HFM1: variants seen among roughly 807,000 people sequenced by gnomAD.
HFM1 encodes probable ATP-dependent DNA helicase HFM1.
In HFM1, 169 loss-of-function variants were observed where a neutral mutation model predicts 192.1. The ratio of observed to expected loss-of-function variants is 0.88; its 90% confidence interval spans 0.78 to 1.00. HFM1 has a LOEUF of 1.00. Among genes scored for constraint, HFM1 ranks in the 50% least tolerant of loss-of-function variants. The pLI is 0.00. For synonymous variants in HFM1, 525 were observed against 537.8 expected, an observed-to-expected ratio of 0.98 and a Z score of 0.33; for missense variants, 1,661 against 1,668.0, an observed-to-expected ratio of 1.00 and a Z score of 0.07.
At chr1:91,383,870 T>C (rs1000595305) in intron 6 of HFM1, among the ~76,000 whole-genome samples, 2 of 152,182 alleles carry the variant, frequency 1.3e-5, no homozygotes, top group Non-Finnish European at 2.9e-5. Context: ...TTAGCCTGAT[T>C]GTGGTAATTA....
intron 25 of HFM1, 106 bp from the exon 26 acceptor site, chr1:91,316,582 C>T (rs929208993): frequency 6.7e-6 from 3 of 446,256 alleles, no homozygotes; most frequent in Non-Finnish European, 1.1e-5. Context: ...ATTTTAAGAT[C>T]CAGTCAAATA....
rs111462239 is a variant in HFM1, at chr1:91,385,478, A to C, written c.754+97T>G. On this transcript the variant is annotated intron_variant, in intron 5 of 38. Transcript: ENST00000370425. ...AATGCAGAAATTGCACAGAGAGATA[A>C]TTTACTCAAATTTACTATATTTTTA... is the stretch of plus-strand genomic sequence containing the variant. 3,133 of 1,031,792 alleles carry C rather than the reference A, an allele frequency of 3.0e-3. 66 individuals are homozygous for C. The African/African-American group carries it at 0.045, about 15-fold the overall frequency. The allele number at this position is 1,031,792 out of a possible 1,614,324, so 63.9% of individuals were successfully genotyped here.
Position 91,261,206 on chromosome 1 carries a change from A to C in HFM1, c.*84T>G, listed in dbSNP as rs899203929. ...GAGAAAAAAATCCGAACAATTATGA[A>C]CTACTTTTTAAAAATAAAAAGCATG... On this transcript the variant is annotated 3_prime_UTR_variant, in exon 39 of 39. Coordinates refer to ENST00000370425, the MANE Select transcript of HFM1 (RefSeq NM_001017975.6). The C allele has an allele frequency of 8.9e-6, 5 of 561,216 alleles. No homozygotes were observed. The East Asian group carries it at 1.0e-4, about 12-fold the overall frequency. The allele number at this position is 561,216 out of a possible 1,614,324, so 34.8% of individuals were successfully genotyped here.
chr1:91,358,998 C>A (rs1162670705), intron 13 of HFM1, among the ~76,000 whole-genome samples: 1 of 152,098 alleles, frequency 6.6e-6, no homozygotes, highest in Non-Finnish European at 1.5e-5. Flanking sequence ...TGGAGCAGAT[C>A]CCCAGCAAAC....
At chr1:91,377,282 ATGAT>A (rs1661018122) in intron 11 of HFM1, among the ~76,000 whole-genome samples, 1 of 151,944 alleles carries the variant, frequency 6.6e-6, no homozygotes, top group Admixed American at 6.6e-5. Flanking sequence ...GAACAAGAAA[ATGAT>A]TAATTGTGCC....
intron 1 of HFM1, 149 bp downstream of exon 1, chr1:91,404,649 A>T (rs1466859322): frequency 7.2e-6 from 2 of 277,836 alleles, no homozygotes; most frequent in Non-Finnish European, 1.4e-5. Context: ...CTGGTGACCA[A>T]CAACTCGCCG....
At chr1:91,318,122 T>C (rs1651530178) in intron 25 of HFM1, among the ~76,000 whole-genome samples, 1 of 152,204 alleles carries the variant, frequency 6.6e-6, no homozygotes, top group Non-Finnish European at 1.5e-5. Flanking sequence ...AACTCTTGCC[T>C]TTGTGGGATG....
intron 13 of HFM1, among the ~76,000 whole-genome samples, chr1:91,372,472 C>A (rs1385577371): frequency 1.3e-5 from 2 of 152,076 alleles, no homozygotes; most frequent in South Asian, 2.1e-4. Context: ...TCATTCGCAG[C>A]AAACTATCGC....
Position 91,375,666 on chromosome 1 carries a change from T to C in HFM1, c.1457A>G (p.His486Arg). ...PAVCLKMDES[H>R]RPVKLQKVVL... ...CACTTTCTGAAGTTTCACTGGTCTA[T>C]GGCTCTCATCCATTTTCAGACACAC... Residue 486 changes from histidine (H) to arginine (R), a missense_variant, in exon 12 of 39, where the codon CAT (histidine) becomes CGT (arginine). Transcript: ENST00000370425. The C allele has an allele frequency of 6.2e-7, 1 of 1,613,474 alleles. No homozygotes were observed. The highest frequency in any genetic ancestry group is 8.5e-7 in the Non-Finnish European group (1 of 1,179,552).
At chr1:91,353,937 A>AC (rs35667576) in intron 13 of HFM1, among the ~76,000 whole-genome samples, 1 of 150,392 alleles carries the variant, frequency 6.6e-6, no homozygotes, top group Non-Finnish European at 1.5e-5. Context: ...AAAAAAAAAA[A>AC]CCAACCAAAA....
At chr1:91,379,819 C>T (rs1463086892) in intron 8 of HFM1, among the ~76,000 whole-genome samples, 13 of 151,896 alleles carry the variant, frequency 8.6e-5, no homozygotes, top group Non-Finnish European at 1.6e-4. Context: ...GTAAAAGTTC[C>T]TATGCAAATT....
intron 13 of HFM1, among the ~76,000 whole-genome samples, chr1:91,355,626 C>G (rs928467251): frequency 6.6e-6 from 1 of 152,002 alleles, no homozygotes; most frequent in Admixed American, 6.6e-5. Flanking sequence ...CAAAGAAGGT[C>G]ATAATTTAAC....
chr1:91,303,195 C>A (rs575351360), intron 30 of HFM1, among the ~76,000 whole-genome samples: 172 of 152,282 alleles, frequency 1.1e-3, no homozygotes, highest in African/African-American at 4.1e-3. Context: ...CTGCCCTCAA[C>A]CCCTGACAAC....
intron 3 of HFM1, among the ~76,000 whole-genome samples, 191 bp from the exon 4 acceptor site, chr1:91,394,593 C>T (rs1466861608): frequency 6.6e-6 from 1 of 151,954 alleles, no homozygotes; most frequent in African/African-American, 2.4e-5. Context: ...TGGTATATTA[C>T]ATCATTAACA....
chr1:91,277,752 A>G (rs1667026084), intron 30 of HFM1, among the ~76,000 whole-genome samples: 2 of 106,188 alleles, frequency 1.9e-5, no homozygotes, highest in African/African-American at 9.3e-5. Context: ...TATATACTTT[A>G]TATATAATAT....
rs1473991704 is a variant in HFM1, at chr1:91,276,670, G to C, written c.3546C>G (p.Asn1182Lys). ...GAGGAACAGATGAAACAGCATTCCTGTTTCTTAAATCAGATAAATATGAAG... is the reference window on the plus strand; with the variant it reads ...GAGGAACAGATGAAACAGCATTCCTCTTTCTTAAATCAGATAAATATGAAG... ...TISSYLSDLR[N>K]RNAVSSVPPV... The change falls in exon 32 of 39, where the codon AAC (asparagine) becomes AAG (lysine). Residue 1182 changes from asparagine to lysine, a missense_variant. By Grantham distance (94) the Asn-to-Lys change is moderately conservative. Coordinates refer to ENST00000370425, the MANE Select transcript of HFM1 (RefSeq NM_001017975.6). 14 of 1,574,602 alleles carry C rather than the reference G, an allele frequency of 8.9e-6. No individual in the cohort carries two copies. The highest frequency in any genetic ancestry group is 1.2e-5 in the Non-Finnish European group (14 of 1,166,110).
chr1:91,288,424 G>C (rs1311912398), intron 30 of HFM1, among the ~76,000 whole-genome samples: 1 of 150,750 alleles, frequency 6.6e-6, no homozygotes, highest in Non-Finnish European at 1.5e-5. Flanking sequence ...GTGTTTCTCG[G>C]GGAGGGGGAT....
At chr1:91,318,974 A>T in intron 25 of HFM1, 104 bp downstream of exon 25, 1 of 1,151,184 alleles carries the variant, frequency 8.7e-7, no homozygotes, top group Non-Finnish European at 1.2e-6. Flanking sequence ...ACAAACACAT[A>T]CCTTCCTTGA....
intron 9 of HFM1, 93 bp from the exon 10 acceptor site, chr1:91,378,573 A>T: frequency 1.4e-6 from 1 of 724,770 alleles, no homozygotes; most frequent in Non-Finnish European, 2.3e-6. Context: ...ATGACGTATT[A>T]CAAATAATAG....
Sources: allele counts gnomAD v4.1 joint callset (sites outside exome capture counted in the v4.1 genomes callset), GRCh38; gene constraint gnomAD v4.1.1; transcripts MANE v1.5; gene names NCBI Gene and HGNC (gene_info 2026-07-23, HGNC 2026-07-21).